Variants in CNTNAP2 observed in about 807,000 individuals in gnomAD.
CNTNAP2 encodes contactin-associated protein-like 2.
A neutral mutation model predicts 155.2 loss-of-function variants in CNTNAP2; 98 were observed. The ratio of observed to expected loss-of-function variants is 0.63; its 90% CI spans 0.54 to 0.75. CNTNAP2 has a LOEUF of 0.75. CNTNAP2 is among the 30% of genes least tolerant of loss of function. CNTNAP2 has a pLI of 0.00. For synonymous variants in CNTNAP2, 651 were observed against 631.2 expected, an observed-to-expected ratio of 1.03 and a Z score of -0.47; for missense variants, 1,727 against 1,688.1, an observed-to-expected ratio of 1.02 and a Z score of -0.40.
At chr7:147,560,168 C>CAAAAAATAAAAAAAAAAAAAA (rs1800033083) in intron 11 of CNTNAP2, among the ~76,000 whole-genome samples, 1 of 52,828 alleles carries the variant, frequency 1.9e-5, no homozygotes, top group Non-Finnish European at 3.4e-5. Flanking sequence ...AACTCCGTCT[C>CAAAAAATAAAAAAAAAAAAAA]AAAAAAAAAA....
chr7:146,762,756 G>A (rs193224296), intron 1 of CNTNAP2, among the ~76,000 whole-genome samples: 1 of 152,278 alleles, frequency 6.6e-6, no homozygotes, highest in Non-Finnish European at 1.5e-5. Context: ...ATGGTGGAAG[G>A]CAGAGGAGGA....
intron 9 of CNTNAP2, among the ~76,000 whole-genome samples, chr7:147,383,491 G>C (rs533794568): frequency 6.6e-6 from 1 of 152,014 alleles, no homozygotes; most frequent in Non-Finnish European, 1.5e-5. Flanking sequence ...TGCAATAAAC[G>C]TACATGTGCA....
chr7:146,562,930 ACT>A (rs1798301518), intron 1 of CNTNAP2, among the ~76,000 whole-genome samples: 1 of 152,052 alleles, frequency 6.6e-6, no homozygotes, highest in South Asian at 2.1e-4. Flanking sequence ...CACAGCAGAC[ACT>A]CTATTAGGTT....
chr7:148,007,080 C>A (rs1017287644), intron 15 of CNTNAP2, among the ~76,000 whole-genome samples: 2 of 152,216 alleles, frequency 1.3e-5, no homozygotes, highest in Non-Finnish European at 2.9e-5. Context: ...TTCAGCAGCT[C>A]TTCCACATTG....
chr7:148,338,564 G>T (rs60960102), intron 21 of CNTNAP2, among the ~76,000 whole-genome samples: 1 of 151,914 alleles, frequency 6.6e-6, no homozygotes, highest in Non-Finnish European at 1.5e-5. Flanking sequence ...GGGGGTGAGG[G>T]GGGGGTGAGT....
chr7:148,267,241 C>T (rs1796689760), intron 21 of CNTNAP2, 115 bp downstream of exon 21: 3 of 884,454 alleles, frequency 3.4e-6, no homozygotes, highest in Non-Finnish European at 5.6e-6. Flanking sequence ...TCACGAATAT[C>T]TTCTCTGTAC....
chr7:147,982,477 G>A (rs953116117), intron 15 of CNTNAP2, among the ~76,000 whole-genome samples: 4 of 152,156 alleles, frequency 2.6e-5, no homozygotes, highest in Admixed American at 6.5e-5. Context: ...TCAGAGCTAC[G>A]GAGGTGACCC....
At chr7:146,751,026 G>C (rs886200185) in intron 1 of CNTNAP2, among the ~76,000 whole-genome samples, 40 of 152,208 alleles carry the variant, frequency 2.6e-4, no homozygotes, top group African/African-American at 8.2e-4. Flanking sequence ...GTTTACAAGT[G>C]TTATCTTGGA....
At chr7:146,952,167 A>G (rs1386116651) in intron 3 of CNTNAP2, among the ~76,000 whole-genome samples, 1 of 152,172 alleles carries the variant, frequency 6.6e-6, no homozygotes, top group East Asian at 1.9e-4. Context: ...AACAGAACCA[A>G]TGAGAAAAGC....
intron 13 of CNTNAP2, among the ~76,000 whole-genome samples, chr7:147,830,275 G>A (rs1199116509): frequency 1.3e-5 from 2 of 152,058 alleles, no homozygotes; most frequent in African/African-American, 4.8e-5. Context: ...TGGATCTGGT[G>A]TCTGGTGAGG....
At chr7:148,349,362 A>G (rs1046895269) in intron 21 of CNTNAP2, among the ~76,000 whole-genome samples, 4 of 151,524 alleles carry the variant, frequency 2.6e-5, no homozygotes, top group African/African-American at 9.7e-5. Flanking sequence ...ACACACTAAC[A>G]CTAACGGTAG....
At chr7:146,846,321 A>G (rs1412574128) in intron 3 of CNTNAP2, among the ~76,000 whole-genome samples, 3 of 111,774 alleles carry the variant, frequency 2.7e-5, no homozygotes, top group Non-Finnish European at 5.4e-5. Flanking sequence ...GAAATAAAAC[A>G]CATCAGAATA....
At chr7:146,539,665 T>C (rs944212057) in intron 1 of CNTNAP2, among the ~76,000 whole-genome samples, 1 of 152,122 alleles carries the variant, frequency 6.6e-6, no homozygotes, top group African/African-American at 2.4e-5. Flanking sequence ...ACTGTAGATT[T>C]AGATAAGATG....
intron 1 of CNTNAP2, among the ~76,000 whole-genome samples, chr7:146,130,796 C>T (rs150114153): frequency 1.4e-4 from 21 of 152,150 alleles, no homozygotes; most frequent in South Asian, 4.1e-4. Context: ...TGGCAGAAGG[C>T]AAAGGGGAAG....
chr7:146,796,567 T>C (rs1352805556), intron 2 of CNTNAP2, among the ~76,000 whole-genome samples: 1 of 152,236 alleles, frequency 6.6e-6, no homozygotes, highest in East Asian at 1.9e-4. Flanking sequence ...AAAGAAGATC[T>C]AGCTTCTGAA....
intron 16 of CNTNAP2, among the ~76,000 whole-genome samples, chr7:148,128,469 G>A (rs1804759617): frequency 6.6e-6 from 1 of 152,120 alleles, no homozygotes; most frequent in African/African-American, 2.4e-5. Context: ...AAGAAGTTTG[G>A]AAGTGTAAAC....
At chr7:147,113,687 G>C (rs958775030) in intron 5 of CNTNAP2, among the ~76,000 whole-genome samples, 4 of 152,076 alleles carry the variant, frequency 2.6e-5, no homozygotes, top group African/African-American at 7.2e-5. Context: ...CAACACATGG[G>C]GATTATAATT....
At chr7:148,414,479 AGCT>A (rs1238374651) in intron 23 of CNTNAP2, among the ~76,000 whole-genome samples, 2 of 144,848 alleles carry the variant, frequency 1.4e-5, no homozygotes, top group Admixed American at 1.4e-4. Flanking sequence ...GGTTTCTAAT[AGCT>A]ATTGTACTGT....
intron 2 of CNTNAP2, among the ~76,000 whole-genome samples, chr7:146,837,540 G>A (rs1250089751): frequency 6.6e-6 from 1 of 151,848 alleles, no homozygotes; most frequent in Non-Finnish European, 1.5e-5. Context: ...CTGTTATTTT[G>A]GGGATACATT....
Sources: gnomAD v4.1 joint callset for allele counts (sites outside exome capture counted in the v4.1 genomes callset) on GRCh38, gnomAD v4.1.1 for gene constraint, MANE v1.5 for transcripts, NCBI Gene and HGNC (gene_info 2026-07-23, HGNC 2026-07-21) for gene names.